The following P2RY12 variants were observed in gnomAD, a reference collection of about 807,000 sequenced individuals.
P2RY12 encodes purinergic receptor P2Y12.
Under a neutral mutation model 4.5 loss-of-function variants are expected in P2RY12, and 3 were observed. The ratio of observed to expected loss-of-function variants is 0.67; its 90% CI spans 0.31 to 1.74. The LOEUF (loss-of-function observed/expected upper bound fraction) is 1.74. P2RY12 is among the 40% of genes most tolerant of loss of function. The pLI is 0.09. For missense variants in P2RY12, 356 were observed against 407.8 expected (o/e 0.87, Z 1.09); for synonymous variants, 148 against 154.1 (o/e 0.96, Z 0.29).
chr3:151,373,908 C>T (rs1577484082), intron 1 of P2RY12, among the ~76,000 whole-genome samples: 1 of 152,112 alleles, frequency 6.6e-6, no homozygotes, highest in African/African-American at 2.4e-5. Context: ...TATGTATGCT[C>T]ATGGTTATGG....
chr3:151,368,629 TATTTCATTTCATTTCATTTC>T (rs1159385723), intron 1 of P2RY12, among the ~76,000 whole-genome samples: 22 of 92,902 alleles, frequency 2.4e-4, no homozygotes, highest in East Asian at 1.4e-3. Context: ...TATTTTATTT[TATTTCATTTCATTTCATTTC>T]ATTTCATTTC....
At chr3:151,380,072 A>G (rs1243207187) in intron 1 of P2RY12, 1 of 1,263,214 alleles carries the variant, frequency 7.9e-7, no homozygotes, top group South Asian at 1.4e-5. Context: ...GTAATGCATT[A>G]TTTCTAACTA....
chr3:151,349,941 G>A, intron 1 of P2RY12: 1 of 795,110 alleles, frequency 1.3e-6, no homozygotes, highest in South Asian at 2.5e-5. Flanking sequence ...TGAAGGGAGG[G>A]CGGGATGCCA....
intron 1 of P2RY12, among the ~76,000 whole-genome samples, chr3:151,379,321 T>C (rs1051102241): frequency 6.6e-6 from 1 of 152,250 alleles, no homozygotes; most frequent in Non-Finnish European, 1.5e-5. Flanking sequence ...ATTCTGCCCA[T>C]GGAGAATAAT....
intron 1 of P2RY12, chr3:151,364,926 C>T: frequency 8.0e-7 from 1 of 1,249,638 alleles, no homozygotes; most frequent in Non-Finnish European, 1.2e-6. Flanking sequence ...AAATAGTTTT[C>T]TAGTTATTCT....
intron 1 of P2RY12, among the ~76,000 whole-genome samples, chr3:151,370,693 T>C (rs1756067302): frequency 6.6e-6 from 1 of 152,200 alleles, no homozygotes; most frequent in South Asian, 2.1e-4. Context: ...AATAAATAAA[T>C]GTAGGGACCA....
At chr3:151,353,611 T>A (rs1753518830) in intron 1 of P2RY12, among the ~76,000 whole-genome samples, 1 of 152,236 alleles carries the variant, frequency 6.6e-6, no homozygotes, top group African/African-American at 2.4e-5. Flanking sequence ...TTTTTGACTG[T>A]AACCACTAAT....
chr3:151,378,188 T>G (rs1200075323), intron 1 of P2RY12: 1 of 1,587,922 alleles, frequency 6.3e-7, no homozygotes, highest in Non-Finnish European at 8.6e-7. Flanking sequence ...GGCTGGAAGA[T>G]GGGCGTCTGT....
At chr3:151,380,340 T>C in intron 1 of P2RY12, 1 of 662,748 alleles carries the variant, frequency 1.5e-6, no homozygotes, top group Non-Finnish European at 2.4e-6. Flanking sequence ...CTCATGCCTG[T>C]AATCCCAGCA....
intron 1 of P2RY12, among the ~76,000 whole-genome samples, chr3:151,341,045 C>T (rs1424413969): frequency 6.6e-6 from 1 of 152,070 alleles, no homozygotes; most frequent in Non-Finnish European, 1.5e-5. Context: ...TGAGATCAAG[C>T]CTTCGAAGTC....
rs1755083058 is a variant in P2RY12 at position 151,364,901 on chromosome 3, A to G, written c.-180+19791T>C. ...AATGCATTACAGTTCCTGCCATTTA[A>G]TATGTCCTTAAGTGAAATAGTTTTC... On this transcript the variant is annotated intron_variant, in intron 1 of 2. Coordinates refer to ENST00000302632, the MANE Select transcript of P2RY12 (RefSeq NM_022788.5). 6.9e-6 allele frequency: 7 copies of G among 1,020,778 alleles called. No homozygotes were observed. The South Asian group carries it at 8.3e-5, about 12-fold the overall frequency. The allele number at this position is 1,020,778 out of a possible 1,614,324, so 63.2% of individuals were successfully genotyped here.
chr3:151,371,384 T>C (rs1402395697), intron 1 of P2RY12, among the ~76,000 whole-genome samples: 2 of 152,240 alleles, frequency 1.3e-5, no homozygotes, highest in Admixed American at 1.3e-4. Flanking sequence ...ATTTAGTCTT[T>C]TCTTTCAGCT....
intron 1 of P2RY12, among the ~76,000 whole-genome samples, chr3:151,347,216 T>A (rs12637988): frequency 0.27 from 41,091 of 152,058 alleles, 5,825 homozygotes; most frequent in Non-Finnish European, 0.31. Context: ...AATCATCAGG[T>A]AAAGTTTCCT....
chr3:151,349,524 T>A (rs763903811), intron 1 of P2RY12, among the ~76,000 whole-genome samples: 1 of 152,126 alleles, frequency 6.6e-6, no homozygotes, highest in South Asian at 2.1e-4. Flanking sequence ...CCTCAAGAGA[T>A]CCTCCCACCT....
intron 1 of P2RY12, chr3:151,383,724 G>T (rs971249880): frequency 2.7e-6 from 3 of 1,103,136 alleles, no homozygotes; most frequent in Non-Finnish European, 4.1e-6. Context: ...TAAAGCAATG[G>T]GGTGTTCTTT....
At chr3:151,342,841 A>G (rs1455863437) in intron 1 of P2RY12, among the ~76,000 whole-genome samples, 1 of 152,200 alleles carries the variant, frequency 6.6e-6, no homozygotes, top group Non-Finnish European at 1.5e-5. Flanking sequence ...ACTTCAAATA[A>G]TAATTGTCAA....
intron 1 of P2RY12, among the ~76,000 whole-genome samples, chr3:151,379,007 C>T (rs907759803): frequency 6.6e-6 from 1 of 152,158 alleles, no homozygotes; most frequent in African/African-American, 2.4e-5. Flanking sequence ...ATGAGTTGCT[C>T]CAGGACACAC....
chr3:151,367,898 T>C lies in P2RY12; in HGVS notation c.-180+16794A>G, dbSNP rs1157869190. 4 of 1,073,092 alleles carry C rather than the reference T, an allele frequency of 3.7e-6. No homozygotes were observed. The East Asian group carries it at 9.7e-5, about 26-fold the overall frequency. The allele number at this position is 1,073,092 out of a possible 1,614,324, so 66.5% of individuals were successfully genotyped here. Reference sequence around the variant, plus strand: ...GGAAGTGGTGTAGTATCAAGGTAGATATGGTAGAATTTTAATAGTTATTTT... The same window carrying C: ...GGAAGTGGTGTAGTATCAAGGTAGACATGGTAGAATTTTAATAGTTATTTT... On this transcript the variant is annotated intron_variant, in intron 1 of 2. Transcript: ENST00000302632.
chr3:151,384,102 C>G, intron 1 of P2RY12: 3 of 1,613,586 alleles, frequency 1.9e-6, no homozygotes, highest in Non-Finnish European at 2.5e-6. Context: ...CACAACAGTT[C>G]TTGACATGCT....
Sources: allele counts gnomAD v4.1 joint callset (sites outside exome capture counted in the v4.1 genomes callset), GRCh38; gene constraint gnomAD v4.1.1; transcripts MANE v1.5; gene names NCBI Gene and HGNC (gene_info 2026-07-23, HGNC 2026-07-21).